SLC26A1: variants seen among roughly 807,000 people sequenced by gnomAD.
SLC26A1 encodes the protein sulfate anion transporter 1.
SLC26A1 carries 18 observed loss-of-function variants against 14.5 expected under a neutral mutation model. The observed-to-expected ratio is 1.24, with a 90% CI of 0.86 to 1.84. The LOEUF is 1.84. Ranked by LOEUF, SLC26A1 falls within the 40% of genes most tolerant of loss-of-function variation. The pLI is 0.00. For missense variants in SLC26A1, 1,049 were observed against 1,020.0 expected (o/e 1.03, Z -0.39); for synonymous variants, 505 against 492.0 (o/e 1.03, Z -0.35).
At position 988,796 on chromosome 4, in the gene SLC26A1, A is replaced by T; in HGVS notation, c.*37T>A. The T allele has an allele frequency of 6.6e-7, 1 of 1,504,292 alleles. No individual in the cohort carries two copies. Among genetic ancestry groups the T allele is most frequent in the South Asian group, 1.3e-5 (1 of 75,780 alleles). 93.2% of individuals were successfully genotyped at this position (1,504,292 alleles called of 1,614,324 possible). On this transcript the variant is annotated 3_prime_UTR_variant, in exon 3 of 3. Coordinates refer to ENST00000398516, the MANE Select transcript of SLC26A1 (RefSeq NM_022042.4). ...TTGCAGACGTCTGCTGTGGGTCCCCAGGAGGGAGCAGAGGCTGCTGGGCAG... is the reference window on the plus strand; with the variant it reads ...TTGCAGACGTCTGCTGTGGGTCCCCTGGAGGGAGCAGAGGCTGCTGGGCAG...
rs549093377 is a variant in SLC26A1 at position 989,578 on chromosome 4, A to C, written c.1361T>G (p.Leu454Arg). 1 of 1,596,206 alleles carries C rather than the reference A, an allele frequency of 6.3e-7. No individual in the cohort carries two copies. The highest frequency in any genetic ancestry group is 1.1e-5 in the South Asian group (1 of 88,396). ...CCGCGGGAGGTCCCACACCTTGCGC[A>C]GGGCCCCCCGCAGGCTGACCACGAT... ...CVIVVSLRGA[L>R]RKVWDLPRLW... is the part of the protein sequence containing the mutation. Residue 454 changes from leucine to arginine, a missense_variant, in exon 3 of 3, where the codon CTG (leucine) becomes CGG (arginine). By Grantham distance (102) the Leu-to-Arg change is moderately radical. Transcript: ENST00000398516.
At position 989,382 on chromosome 4, in the gene SLC26A1, C is replaced by A; in HGVS notation, c.1557G>T (p.Thr519=). ...ACTCTGTGGCATCCTCGTAGAAGGCCGTGTCCCCGATGCGGGCCAGCAGGG... is the reference window on the plus strand; with the variant it reads ...ACTCTGTGGCATCCTCGTAGAAGGCAGTGTCCCCGATGCGGGCCAGCAGGG... The part of the protein sequence containing the change: ...RTALLARIGD[T]AFYEDATEFE... The change falls in exon 3 of 3, where the codon ACG becomes ACT. Residue 519 remains threonine, a synonymous_variant. Transcript: ENST00000398516. 3 of 1,576,048 alleles carry A rather than the reference C, an allele frequency of 1.9e-6. No individual in the cohort carries two copies. Among genetic ancestry groups the A allele is most frequent in the Non-Finnish European group, 2.6e-6 (3 of 1,161,324 alleles).
intron 2 of SLC26A1, among the ~76,000 whole-genome samples, chr4:981,756 G>A (rs765439371): frequency 7.9e-5 from 12 of 152,228 alleles, no homozygotes; most frequent in South Asian, 2.1e-4. Context: ...CCTGACAGCC[G>A]TAAGCTGCCC....
rs1232539735 is a variant in SLC26A1 at position 989,266 on chromosome 4, A to C, written c.1673T>G (p.Leu558Arg). ...YANKDFFLQSLYSLTGLDAGC... is the reference protein window; with the variant it reads ...YANKDFFLQSRYSLTGLDAGC... Reference sequence around the variant, plus strand: ...TGCGTCCAGCCCCGTGAGGCTGTAGAGTGACTGCAGGAAGAAGTCCTTGTT... The same window carrying C: ...TGCGTCCAGCCCCGTGAGGCTGTAGCGTGACTGCAGGAAGAAGTCCTTGTT... Residue 558 changes from leucine (L) to arginine (R), a missense_variant, in exon 3 of 3, where the codon CTC becomes CGC. By Grantham distance (102) the Leu-to-Arg change is moderately radical (BLOSUM62 -2). Transcript: ENST00000398516. 2.5e-6 allele frequency: 4 copies of C among 1,612,648 alleles called. No homozygotes were observed. Among genetic ancestry groups the C allele is most frequent in the Non-Finnish European group, 3.4e-6 (4 of 1,179,856 alleles).
chr4:984,533 A>C (rs1713641331), downstream of SLC26A1, among the ~76,000 whole-genome samples: 1 of 152,188 alleles, frequency 6.6e-6, no homozygotes, highest in Non-Finnish European at 1.5e-5. Context: ...TGAGTCGTTT[A>C]ATAATTCTGG....
chr4:991,530 G>C lies in SLC26A1; in HGVS notation c.174C>G (p.Arg58=), dbSNP rs1181077556. ...CCCGCGGGCGGTACTGACGCAGCCA[G>C]CGCGTGGCGGGGAGCAGGTCCTGCA... ...ALVQDLLPAT[R]WLRQYRPREY... Residue 58 remains arginine, a synonymous_variant, in exon 2 of 3, where the codon CGC becomes CGG. Transcript: ENST00000398516. 3 of 1,606,666 alleles carry C rather than the reference G, an allele frequency of 1.9e-6. No individual in the cohort carries two copies. The Admixed American group carries it at 5.0e-5, about 27-fold the overall frequency.
Position 990,372 on chromosome 4 carries a change from G to A in SLC26A1, c.577-10C>T, listed in dbSNP as rs757868510. Reference sequence around the variant, plus strand: ...GGACGCCCATGAGGACCTGTGGACGGAGTGCGGTCAGGCCAGCAGGCGCCT... The same window carrying A: ...GGACGCCCATGAGGACCTGTGGACGAAGTGCGGTCAGGCCAGCAGGCGCCT... On this transcript the variant is annotated splice_polypyrimidine_tract_variant and intron_variant, in intron 2 of 2. Transcript: ENST00000398516. The A allele has an allele frequency of 6.3e-7, 1 of 1,583,806 alleles. No individual in the cohort carries two copies.
At position 989,743 on chromosome 4, in the gene SLC26A1, A is replaced by G; in HGVS notation, c.1196T>C (p.Leu399Pro). 6.4e-7 allele frequency: 1 copy of G among 1,557,258 alleles called. No homozygotes were observed. Among genetic ancestry groups the G allele is most frequent in the Non-Finnish European group, 8.7e-7 (1 of 1,151,038 alleles). ...FLHCFATSAA[L>P]AKSLVKTATG... ...GGCTGTCTTCACCAGGCTCTTGGCC[A>G]GGGCGGCGCTGGTGGCGAAGCAGTG... is the stretch of plus-strand genomic sequence containing the variant. Residue 399 changes from leucine (L) to proline (P), a missense_variant, in exon 3 of 3, where the codon CTG becomes CCG. By Grantham distance (98) the Leu-to-Pro change is moderately conservative. Transcript: ENST00000398516.
At position 988,645 on chromosome 4, in the gene SLC26A1, T is replaced by C. The variant is rs1713943128; in HGVS notation, c.*188A>G. The stretch of plus-strand genomic sequence containing the variant: ...GCAGAGGTTCTTGATTTCTGAGTGT[T>C]TGGGTCCTGCGTGTGATCAGAGGGC... On this transcript the variant is annotated 3_prime_UTR_variant, in exon 3 of 3. Coordinates refer to ENST00000398516, the MANE Select transcript of SLC26A1 (RefSeq NM_022042.4). 3 of 1,393,922 alleles carry C rather than the reference T, an allele frequency of 2.2e-6. No homozygotes were observed. Among genetic ancestry groups the C allele is most frequent in the African/African-American group, 1.5e-5 (1 of 68,398 alleles). The allele number at this position is 1,393,922 out of a possible 1,614,324, so 86.3% of individuals were successfully genotyped here.
rs772260145 is a variant in SLC26A1, at chr4:989,522, C to T, written c.1417G>A (p.Val473Ile). Residue 473 changes from valine (V) to isoleucine (I), a missense_variant, in exon 3 of 3, where the codon GTC becomes ATC. Transcript: ENST00000398516. ...LWRMSPADAL[V>I]WAGTAATCML... ...CAGGTGGCCGCGGTGCCTGCCCAGA[C>T]CAGCGCGTCAGCCGGGCTCATCCGC... 7 of 1,554,858 alleles carry T rather than the reference C, an allele frequency of 4.5e-6. No homozygotes were observed. The East Asian group carries it at 1.4e-4, about 32-fold the overall frequency.
chr4:992,300 C>A, intron 1 of SLC26A1: 1 of 431,238 alleles, frequency 2.3e-6, no homozygotes, highest in South Asian at 1.6e-5. Flanking sequence ...CAAACCATCG[C>A]CTGCTCTCCT....
chr4:984,161 T>C (rs1445010371), downstream of SLC26A1, among the ~76,000 whole-genome samples: 1 of 152,254 alleles, frequency 6.6e-6, no homozygotes, highest in African/African-American at 2.4e-5. Flanking sequence ...CAATTCGTTA[T>C]CAGCTTTACT....
downstream of SLC26A1, among the ~76,000 whole-genome samples, chr4:985,616 C>T (rs1301210875): frequency 6.6e-6 from 1 of 152,180 alleles, no homozygotes; most frequent in African/African-American, 2.4e-5. Context: ...TTCCTGGAGA[C>T]AGTTCTGTAC....
Position 988,419 on chromosome 4 carries a change from C to G in SLC26A1, c.*414G>C, listed in dbSNP as rs749751376. Reference sequence around the variant, plus strand: ...AGACCCTCGTGCACTTGGCCAGAGCCGCTGGCTCCTACCAGCAGGGTGGGC... The same window carrying G: ...AGACCCTCGTGCACTTGGCCAGAGCGGCTGGCTCCTACCAGCAGGGTGGGC... On this transcript the variant is annotated 3_prime_UTR_variant, in exon 3 of 3. Transcript: ENST00000398516. 1 of 1,064,700 alleles carries G rather than the reference C, an allele frequency of 9.4e-7. No homozygotes were observed. Among genetic ancestry groups the G allele is most frequent in the African/African-American group, 1.7e-5 (1 of 59,568 alleles). 66.0% of individuals were successfully genotyped at this position (1,064,700 alleles called of 1,614,324 possible). A position where few individuals can be genotyped will look rare whatever the true frequency, so the allele number is the denominator to read the frequency against.
intron 1 of SLC26A1, chr4:992,138 CAT>C: frequency 4.2e-6 from 2 of 480,248 alleles, no homozygotes; most frequent in Non-Finnish European, 4.1e-6. Context: ...CCACCACGCA[CAT>C]GTGCCTACCG....
Position 991,591 on chromosome 4 carries a change from C to G in SLC26A1, c.113G>C (p.Ser38Thr). Residue 38 changes from serine (S) to threonine (T), a missense_variant, in exon 2 of 3, where the codon AGC (serine) becomes ACC (threonine). By Grantham distance (58) the Ser-to-Thr change is moderately conservative (BLOSUM62 1). Transcript: ENST00000398516. ...REMLKARLWC[S>T]CSCSVLCVRA... ...GACGCACAGCACACTGCACGAGCAGCTGCACCACAGCCTGGCCTTCAGCAT... is the reference window on the plus strand; with the variant it reads ...GACGCACAGCACACTGCACGAGCAGGTGCACCACAGCCTGGCCTTCAGCAT... 6.3e-7 allele frequency: 1 copy of G among 1,597,822 alleles called. No homozygotes were observed. The highest frequency in any genetic ancestry group is 8.5e-7 in the Non-Finnish European group (1 of 1,176,842).
At position 989,910 on chromosome 4, in the gene SLC26A1, C is replaced by G. The variant is rs780195021; in HGVS notation, c.1029G>C (p.Leu343Phe). ...CCACGAGGGCCAGGGCCACGGCATC[C>G]AAAGCCACACGCTGCATCAGCCTGG... is the stretch of plus-strand genomic sequence containing the variant. ...PEPRLMQRVA[L>F]DAVALALVAA... The change falls in exon 3 of 3, where the codon TTG becomes TTC. Residue 343 changes from leucine to phenylalanine, a missense_variant. Leu to Phe is a conservative substitution (Grantham distance 22, BLOSUM62 0). Coordinates refer to ENST00000398516, the MANE Select transcript of SLC26A1 (RefSeq NM_022042.4). 11 of 1,562,310 alleles carry G rather than the reference C, an allele frequency of 7.0e-6. No homozygotes were observed. In the South Asian group the frequency reaches 1.2e-4, roughly 17 times the overall value.
chr4:989,506 G>A lies in SLC26A1; in HGVS notation c.1433C>T (p.Ala478Val), dbSNP rs771589744. 33 of 1,553,326 alleles carry A rather than the reference G, an allele frequency of 2.1e-5. No homozygotes were observed. Among genetic ancestry groups the A allele is most frequent in the Admixed American group, 1.9e-4 (10 of 51,540 alleles). The change falls in exon 3 of 3, where the codon GCG becomes GTG. Residue 478 changes from alanine to valine, a missense_variant. Ala to Val is a moderately conservative substitution (Grantham distance 64, BLOSUM62 0). Coordinates refer to ENST00000398516, the MANE Select transcript of SLC26A1 (RefSeq NM_022042.4). ...TGTGCTGACCAGCATACAGGTGGCC[G>A]CGGTGCCTGCCCAGACCAGCGCGTC... ...PADALVWAGT[A>V]ATCMLVSTEA...
downstream of SLC26A1, among the ~76,000 whole-genome samples, chr4:987,493 C>T (rs1172181475): frequency 6.6e-6 from 1 of 152,172 alleles, no homozygotes; most frequent in Non-Finnish European, 1.5e-5. Flanking sequence ...CCAGGAGTCT[C>T]CCCTGGGAGT....
Sources: gnomAD v4.1 joint callset for allele counts (sites outside exome capture counted in the v4.1 genomes callset) on GRCh38, gnomAD v4.1.1 for gene constraint, MANE v1.5 for transcripts, NCBI Gene and HGNC (gene_info 2026-07-23, HGNC 2026-07-21) for gene names.